The following PCDHGB2 variants were observed in gnomAD, a reference collection of about 807,000 sequenced individuals.
PCDHGB2 encodes protocadherin gamma subfamily B, 2, also known as protocadherin gamma-B2.
In PCDHGB2, 55 loss-of-function variants were observed where a neutral mutation model predicts 59.3. That is an observed-to-expected ratio of 0.93 (90% CI 0.75 to 1.16). The LOEUF is 1.16. PCDHGB2 is among the 50% of genes most tolerant of loss of function. The pLI is 0.00. For missense variants in PCDHGB2, 1,228 were observed against 1,198.5 expected (o/e 1.02, Z -0.36); for synonymous variants, 516 against 512.0 (o/e 1.01, Z -0.11).
chr5:141,511,007 G>A lies in PCDHGB2; in HGVS notation c.2630G>A (p.Arg877His), dbSNP rs780918754. The change falls in exon 4 of 4, where the codon CGC becomes CAC. Residue 877 changes from arginine to histidine, a missense_variant. Physicochemically the swap from Arg to His is conservative, Grantham distance 29 (BLOSUM62 0). Transcript: ENST00000522605. ...GCCGGCACCATGGGATTGAGCGCCC[G>A]CTACGGACCCCAGTTCACCCTGCAG... is the stretch of plus-strand genomic sequence containing the variant. ...GGAGTMGLSA[R>H]YGPQFTLQHV... 1.9e-6 allele frequency: 3 copies of A among 1,614,158 alleles called. No individual in the cohort carries two copies. Among genetic ancestry groups the A allele is most frequent in the East Asian group, 4.5e-5 (2 of 44,890 alleles).
chr5:141,374,519 G>C (rs769907625), intron 1 of PCDHGB2: 94 of 1,612,334 alleles, frequency 5.8e-5, no homozygotes, highest in Non-Finnish European at 7.8e-5. Flanking sequence ...TCTCGAAAAC[G>C]CAGCTCCATC....
At chr5:141,408,455 C>A in intron 1 of PCDHGB2, 1 of 1,614,050 alleles carries the variant, frequency 6.2e-7, no homozygotes, top group South Asian at 1.1e-5. Flanking sequence ...CGGGGACTTA[C>A]TTGTGAAGAA....
intron 1 of PCDHGB2, among the ~76,000 whole-genome samples, chr5:141,449,081 C>T (rs2098627623): frequency 6.6e-6 from 1 of 152,180 alleles, no homozygotes; most frequent in South Asian, 2.1e-4. Flanking sequence ...CCTGTACCTA[C>T]ATCAGTTTTT....
chr5:141,478,315 A>G, intron 1 of PCDHGB2: 1 of 1,613,998 alleles, frequency 6.2e-7, no homozygotes, highest in Non-Finnish European at 8.5e-7. Flanking sequence ...CGGTGAGCTC[A>G]CTGTACCGAA....
intron 1 of PCDHGB2, among the ~76,000 whole-genome samples, chr5:141,483,526 G>A (rs2099582495): frequency 6.6e-6 from 1 of 152,118 alleles, no homozygotes; most frequent in African/African-American, 2.4e-5. Flanking sequence ...TCCTGACTAA[G>A]GAAGCTGGGT....
At position 141,477,681 on chromosome 5, in the gene PCDHGB2, T is replaced by C; in HGVS notation, c.2422-17126T>C. On this transcript the variant is annotated intron_variant, in intron 1 of 3. Coordinates refer to ENST00000522605, the MANE Select transcript of PCDHGB2 (RefSeq NM_018923.3). The surrounding 1 kb of genome is among the most constrained non-coding windows in gnomAD (Gnocchi z 4.9). The stretch of plus-strand genomic sequence containing the variant: ...CGTGACAATGGCATAGTGTCATCCT[T>C]AGTGCCCCTAGACTATGAGGATCGG... 6.2e-7 allele frequency: 1 copy of C among 1,614,180 alleles called. No individual in the cohort carries two copies. The highest frequency in any genetic ancestry group is 8.5e-7 in the Non-Finnish European group (1 of 1,180,046).
intron 1 of PCDHGB2, among the ~76,000 whole-genome samples, chr5:141,473,466 G>A (rs1217251844): frequency 1.3e-5 from 2 of 151,738 alleles, no homozygotes; most frequent in East Asian, 1.9e-4. Flanking sequence ...TTAAAGTTGT[G>A]CCAAGTTCAA....
At chr5:141,365,912 C>G in intron 1 of PCDHGB2, 1 of 1,614,238 alleles carries the variant, frequency 6.2e-7, no homozygotes, top group Non-Finnish European at 8.5e-7. Flanking sequence ...GTTGAGAGAC[C>G]TACAGTTGTG....
rs138641753 is a variant in PCDHGB2, at chr5:141,430,814, C to T, written c.2422-63993C>T. On this transcript the variant is annotated intron_variant, in intron 1 of 3. Transcript: ENST00000522605. ...CAAAGGGCTTGTCCTGCTGGGAATC[C>T]TCCTGGGGACTCTGTGGGAGACCGG... is the stretch of plus-strand genomic sequence containing the variant. 97 of 1,534,514 alleles carry T rather than the reference C, an allele frequency of 6.3e-5. No homozygotes were observed. The African/African-American group carries it at 1.1e-3, about 17-fold the overall frequency.
In PCDHGB2 at chr5:141,512,249, T is replaced by A. The variant is rs1159090773; in HGVS notation, c.*1076T>A. 6.6e-6 allele frequency: 1 copy of A among 152,598 alleles called. No individual in the cohort carries two copies. The allele number at this position is 152,598 out of a possible 1,614,324, so 9.5% of individuals were successfully genotyped here. On this transcript the variant is annotated 3_prime_UTR_variant, in exon 4 of 4. Coordinates refer to ENST00000522605, the MANE Select transcript of PCDHGB2 (RefSeq NM_018923.3). Reference sequence around the variant, plus strand: ...CCTTGAGAGGTCAGAGGGGCCTCTGTGGGTGCTGGGTACTCCAGAGGTGCC... The same window carrying A: ...CCTTGAGAGGTCAGAGGGGCCTCTGAGGGTGCTGGGTACTCCAGAGGTGCC...
intron 1 of PCDHGB2, chr5:141,372,032 G>A (rs1177751501): frequency 1.2e-6 from 2 of 1,613,340 alleles, no homozygotes; most frequent in Non-Finnish European, 1.7e-6. Context: ...GCGCCAACGT[G>A]AGCCTGCGCG....
chr5:141,383,743 C>T (rs371173445), intron 1 of PCDHGB2: 56 of 1,613,920 alleles, frequency 3.5e-5, no homozygotes, highest in Non-Finnish European at 4.7e-5. Flanking sequence ...ATATTCTTTT[C>T]GGAAAATAAC....
chr5:141,400,499 G>A (rs1258690272), intron 1 of PCDHGB2: 8 of 1,613,910 alleles, frequency 5.0e-6, no homozygotes, highest in Non-Finnish European at 6.8e-6. Context: ...TGTAATTCCA[G>A]CGAGTCGACT....
intron 1 of PCDHGB2, chr5:141,370,225 C>G: frequency 1.7e-6 from 1 of 577,904 alleles, no homozygotes; most frequent in Admixed American, 3.6e-5. Context: ...CCGCTGCAGC[C>G]AGCTCGGAAG....
intron 1 of PCDHGB2, among the ~76,000 whole-genome samples, chr5:141,467,950 C>T (rs780236016): frequency 2.6e-5 from 4 of 152,290 alleles, no homozygotes; most frequent in Admixed American, 6.5e-5. Context: ...TGAGCCACCA[C>T]ACCCGGCTGC....
Position 141,400,079 on chromosome 5 carries a change from C to G in PCDHGB2, c.2421+37523C>G, listed in dbSNP as rs1377742612. On this transcript the variant is annotated intron_variant, in intron 1 of 3. Coordinates refer to ENST00000522605, the MANE Select transcript of PCDHGB2 (RefSeq NM_018923.3). ...CGTGATGGTGGACAGCCGCCACTCT[C>G]CGCCACCGCCACGCTGCACTTGGTC... 2.5e-6 allele frequency: 4 copies of G among 1,613,924 alleles called. No individual in the cohort carries two copies. In the East Asian group the frequency reaches 6.7e-5, roughly 27 times the overall value.
intron 1 of PCDHGB2, chr5:141,377,855 G>A (rs1291859496): frequency 6.6e-6 from 1 of 152,074 alleles, no homozygotes; most frequent in Non-Finnish European, 1.5e-5. Flanking sequence ...TTAAAATTAA[G>A]ATTTAAAAGA....
intron 1 of PCDHGB2, chr5:141,392,008 T>C (rs144906227): frequency 1.3e-5 from 2 of 152,186 alleles, no homozygotes; most frequent in Non-Finnish European, 2.9e-5. Flanking sequence ...ACTGCAATGG[T>C]AAAAGCATTT....
At chr5:141,385,088 G>A in intron 1 of PCDHGB2, 2 of 1,614,226 alleles carry the variant, frequency 1.2e-6, no homozygotes, top group Non-Finnish European at 1.7e-6. Flanking sequence ...GCTTCAGAAG[G>A]TGGCTTGGCG....
Sources: allele counts gnomAD v4.1 joint callset (sites outside exome capture counted in the v4.1 genomes callset), GRCh38; gene constraint gnomAD v4.1.1; non-coding constraint Gnocchi (gnomAD v3.1); transcripts MANE v1.5; gene names NCBI Gene and HGNC (gene_info 2026-07-23, HGNC 2026-07-21).